The following FNDC1 variants were observed in gnomAD, a reference collection of about 807,000 sequenced individuals.
FNDC1 encodes the protein fibronectin type III domain containing 1, also known as fibronectin type III domain-containing protein 1.
A neutral mutation model predicts 168.0 loss-of-function variants in FNDC1; 96 were observed. That is an observed-to-expected ratio of 0.57 (90% CI 0.48 to 0.68). FNDC1 has a LOEUF of 0.68. FNDC1 is among the 30% of genes least tolerant of loss of function. The pLI, the probability that FNDC1 is intolerant of heterozygous loss-of-function variation, is 0.00. For synonymous variants in FNDC1, 1,099 were observed against 1,025.9 expected (o/e 1.07, Z -1.36); for missense variants, 2,587 against 2,482.1 (o/e 1.04, Z -0.90).
rs551392 is a variant in FNDC1, at chr6:159,251,387, G to T, written c.4920G>T (p.Leu1640=). The change falls in exon 17 of 23, where the codon CTG becomes CTT. Residue 1640 remains leucine (L), a synonymous_variant. Transcript: ENST00000297267. ...DALDHFQVDS[L]DEIIPNDLKK... ...TGGATCACTTCCAAGTGGACAGCCTGGATGAAATCATCCCCAATGACCTGA... is the reference window on the plus strand; with the variant it reads ...TGGATCACTTCCAAGTGGACAGCCTTGATGAAATCATCCCCAATGACCTGA... 25 of 1,613,772 alleles carry T rather than the reference G, an allele frequency of 1.5e-5. No individual in the cohort carries two copies. Among genetic ancestry groups the T allele is most frequent in the East Asian group, 2.2e-5 (1 of 44,860 alleles).
At chr6:159,269,573 TC>T (rs1262240355) in intron 22 of FNDC1, among the ~76,000 whole-genome samples, 5 of 140,428 alleles carry the variant, frequency 3.6e-5, no homozygotes, top group Admixed American at 7.0e-5. Flanking sequence ...CATCCATCTA[TC>T]CTATCTGTCT....
At chr6:159,251,780 AT>A (rs1268384985) in intron 17 of FNDC1, among the ~76,000 whole-genome samples, 6 of 152,158 alleles carry the variant, frequency 3.9e-5, no homozygotes, top group African/African-American at 7.2e-5. Context: ...TCCCAGATTG[AT>A]TTGCATGATC....
intron 17 of FNDC1, among the ~76,000 whole-genome samples, chr6:159,252,183 A>G (rs1176215347): frequency 1.3e-5 from 2 of 152,172 alleles, no homozygotes; most frequent in South Asian, 2.1e-4. Context: ...TTAAGTTCTT[A>G]TGGAAAGAGA....
rs1562315659 is a variant in FNDC1, at chr6:159,269,234, T to TCTATC, written c.5569+1308_5569+1309insCTATC. ...CTATCTATCTATCTATCTATCTATC[T>TCTATC]ATCTATCTATCTATCCATCTATCAT... On this transcript the variant is annotated intron_variant, in intron 22 of 22. Coordinates refer to ENST00000297267, the MANE Select transcript of FNDC1 (RefSeq NM_032532.3). Among the ~76,000 whole-genome samples, 278 of 130,654 alleles carry TCTATC rather than the reference T, an allele frequency of 2.1e-3. 6 individuals carry two copies. Among genetic ancestry groups the TCTATC allele is most frequent in the East Asian group, 7.1e-3 (28 of 3,938 alleles). 85.7% of individuals were successfully genotyped at this position (130,654 alleles called of 152,430 possible).
At chr6:159,171,300 A>G (rs2114910555) in intron 1 of FNDC1, among the ~76,000 whole-genome samples, 1 of 152,346 alleles carries the variant, frequency 6.6e-6, no homozygotes, top group African/African-American at 2.4e-5. Flanking sequence ...GGCACATTTC[A>G]GAATGAAATC....
chr6:159,175,415 C>T (rs958491581), intron 1 of FNDC1, among the ~76,000 whole-genome samples: 1 of 152,166 alleles, frequency 6.6e-6, no homozygotes, highest in Non-Finnish European at 1.5e-5. Flanking sequence ...CCTGCAGACA[C>T]CCCTGTTCTG....
At chr6:159,178,911 A>G (rs578234042) in intron 1 of FNDC1, among the ~76,000 whole-genome samples, 1 of 152,082 alleles carries the variant, frequency 6.6e-6, no homozygotes, top group South Asian at 2.1e-4. Context: ...TCAGGACAGC[A>G]GCTGCAGCAA....
chr6:159,195,334 G>A (rs1054817589), intron 1 of FNDC1, among the ~76,000 whole-genome samples: 3 of 148,074 alleles, frequency 2.0e-5, no homozygotes, highest in South Asian at 4.4e-4. Flanking sequence ...ATGAGGATGC[G>A]CAGCCCAAGG....
chr6:159,174,836 G>GTCTC (rs1781731159), intron 1 of FNDC1, among the ~76,000 whole-genome samples: 1 of 152,200 alleles, frequency 6.6e-6, no homozygotes, highest in Non-Finnish European at 1.5e-5. Context: ...GAGAGCAAGG[G>GTCTC]ATGTCTCAGG....
chr6:159,212,949 ACTGT>A (rs1472250821), intron 4 of FNDC1, among the ~76,000 whole-genome samples: 4 of 152,240 alleles, frequency 2.6e-5, no homozygotes, highest in Non-Finnish European at 5.9e-5. Flanking sequence ...CAGCTATGTG[ACTGT>A]CTGTCAGCTA....
chr6:159,213,445 T>C (rs555997961), intron 4 of FNDC1, among the ~76,000 whole-genome samples: 1 of 152,178 alleles, frequency 6.6e-6, no homozygotes, highest in Admixed American at 6.5e-5. Context: ...TGTCAGGGAT[T>C]GCCGAGTCAG....
intron 22 of FNDC1, among the ~76,000 whole-genome samples, chr6:159,268,821 CATCTATCTATCTATCT>C (rs59375644): frequency 7.7e-4 from 112 of 146,058 alleles, no homozygotes; most frequent in Non-Finnish European, 1.2e-3. Context: ...TCTATCTATT[CATCTATCTATCTATCT>C]ATCTATCTAT....
intron 1 of FNDC1, among the ~76,000 whole-genome samples, chr6:159,183,781 G>A (rs568903498): frequency 3.3e-5 from 5 of 152,240 alleles, no homozygotes; most frequent in South Asian, 2.1e-4. Context: ...AGGAGGAGGC[G>A]CTCACTGTTG....
intron 4 of FNDC1, among the ~76,000 whole-genome samples, chr6:159,213,989 A>T (rs1782661146): frequency 6.6e-6 from 1 of 152,220 alleles, no homozygotes; most frequent in Non-Finnish European, 1.5e-5. Flanking sequence ...TTGAAATGTT[A>T]GCCTAGCTGG....
In FNDC1 at chr6:159,233,795, G is replaced by A. The variant is rs773308075; in HGVS notation, c.3283G>A (p.Ala1095Thr). The A allele has an allele frequency of 9.1e-6, 14 of 1,537,780 alleles. No homozygotes were observed. Among genetic ancestry groups the A allele is most frequent in the Non-Finnish European group, 1.2e-5 (14 of 1,141,284 alleles). ...CGAGGCCCAGGATGTGCGGGCCCCC[G>A]CGCACGCCGCGCGCGCCAAGGAGGC... ...EVEAQDVRAP[A>T]HAARAKEAAA... Residue 1095 changes from alanine to threonine, a missense_variant, in exon 11 of 23, where the codon GCG becomes ACG. Physicochemically the swap from Ala to Thr is moderately conservative, Grantham distance 58. Coordinates refer to ENST00000297267, the MANE Select transcript of FNDC1 (RefSeq NM_032532.3). This position sits in a 1 kb window ranked among gnomAD's most constrained non-coding sequence, Gnocchi z 4.6.
intron 16 of FNDC1, 54 bp from the exon 17 acceptor site, chr6:159,251,248 T>C: frequency 7.5e-7 from 1 of 1,340,068 alleles, no homozygotes; most frequent in Non-Finnish European, 1.1e-6. Flanking sequence ...GCTATGTTTC[T>C]GCCTCCAGAA....
chr6:159,251,270 C>T (rs1171162661), intron 16 of FNDC1, 32 bp from the exon 17 acceptor site: 1 of 1,545,128 alleles, frequency 6.5e-7, no homozygotes, highest in Non-Finnish European at 8.9e-7. Flanking sequence ...AAGCCTCCAG[C>T]AATCCAATTG....
At chr6:159,192,834 C>T (rs1008949161) in intron 1 of FNDC1, among the ~76,000 whole-genome samples, 2 of 152,124 alleles carry the variant, frequency 1.3e-5, no homozygotes. Flanking sequence ...TTTTTCAGAG[C>T]CTTCCGGTCT....
intron 15 of FNDC1, among the ~76,000 whole-genome samples, chr6:159,247,541 G>C (rs1237208148): frequency 6.6e-6 from 1 of 152,078 alleles, no homozygotes; most frequent in African/African-American, 2.4e-5. Context: ...TTGAGCCCAG[G>C]AGTTCAAAAG....
Sources: allele counts gnomAD v4.1 joint callset (sites outside exome capture counted in the v4.1 genomes callset), GRCh38; gene constraint gnomAD v4.1.1; non-coding constraint Gnocchi (gnomAD v3.1); transcripts MANE v1.5; gene names NCBI Gene and HGNC (gene_info 2026-07-23, HGNC 2026-07-21).